SIK2: variants seen among roughly 807,000 people sequenced by gnomAD.
The protein encoded by SIK2 is serine/threonine-protein kinase SIK2.
In SIK2, 29 loss-of-function variants were observed where a neutral mutation model predicts 103.2. The ratio of observed to expected loss-of-function variants is 0.28; its 90% confidence interval spans 0.21 to 0.38. The LOEUF is 0.38. SIK2 is among the 10% of genes least tolerant of loss of function. The pLI, the probability that SIK2 is intolerant of heterozygous loss-of-function variation, is 1.00. For synonymous variants in SIK2, 412 were observed against 446.1 expected (o/e 0.92, Z 0.96); for missense variants, 879 against 1,171.0 (o/e 0.75, Z 3.64).
rs887621625 is a variant in SIK2, at chr11:111,730,529, A to C, written c.*6400A>C. On this transcript the variant is annotated 3_prime_UTR_variant, in exon 15 of 15. Transcript: ENST00000304987. ...GAAGGGAGGTGGGTGGTTTTGCTGG[A>C]TGTTTGGTCTGAAAGAGTTACTTTT... The C allele has an allele frequency of 6.6e-6, 1 of 152,196 alleles. No individual in the cohort carries two copies. Among genetic ancestry groups the C allele is most frequent in the Non-Finnish European group, 1.5e-5 (1 of 68,042 alleles). 9.4% of individuals were successfully genotyped at this position (152,196 alleles called of 1,614,324 possible). A position where few individuals can be genotyped will look rare whatever the true frequency, so the allele number is the denominator to read the frequency against.
chr11:111,612,938 A>ATATATATATATATATATATATATG (rs1405134626), intron 1 of SIK2, among the ~76,000 whole-genome samples: 1 of 146,532 alleles, frequency 6.8e-6, no homozygotes, highest in African/African-American at 2.6e-5. Context: ...ATATATATAT[A>ATATATATATATATATATATATATG]TATATATATT....
chr11:111,669,510 C>T (rs929090172), intron 3 of SIK2, among the ~76,000 whole-genome samples: 6 of 152,048 alleles, frequency 3.9e-5, no homozygotes, highest in Non-Finnish European at 1.5e-5. Flanking sequence ...GCAGGAGAAT[C>T]GCTTGAGCCC....
intron 3 of SIK2, among the ~76,000 whole-genome samples, chr11:111,632,044 A>G (rs2135849515): frequency 6.6e-6 from 1 of 152,328 alleles, no homozygotes; most frequent in South Asian, 2.1e-4. Context: ...ATAAGAAGAA[A>G]GAGTTGAATC....
At chr11:111,653,367 G>A (rs116403630) in intron 3 of SIK2, among the ~76,000 whole-genome samples, 2 of 152,194 alleles carry the variant, frequency 1.3e-5, no homozygotes, top group Non-Finnish European at 2.9e-5. Context: ...GAAAAACAAC[G>A]TTGTATCCTT....
intron 3 of SIK2, among the ~76,000 whole-genome samples, chr11:111,656,166 G>A (rs1426047020): frequency 6.6e-6 from 1 of 152,056 alleles, no homozygotes; most frequent in Non-Finnish European, 1.5e-5. Context: ...CTCCAGCCTG[G>A]GTGACTGAGC....
chr11:111,677,137 A>ACATCATCAT (rs1414831982), intron 3 of SIK2, among the ~76,000 whole-genome samples: 1 of 152,208 alleles, frequency 6.6e-6, no homozygotes, highest in Non-Finnish European at 1.5e-5. Flanking sequence ...CATCCAGATG[A>ACATCATCAT]CATCATCATA....
chr11:111,665,103 G>A (rs1942517892), intron 3 of SIK2, among the ~76,000 whole-genome samples: 1 of 152,122 alleles, frequency 6.6e-6, no homozygotes. Context: ...GGATCCAGAT[G>A]CTGTAGGAAT....
chr11:111,607,211 C>G (rs539145497), intron 1 of SIK2, among the ~76,000 whole-genome samples: 1 of 152,224 alleles, frequency 6.6e-6, no homozygotes, highest in African/African-American at 2.4e-5. Context: ...CTTACTTACC[C>G]TTAAGAGAAC....
chr11:111,610,758 A>G (rs1245798254), intron 1 of SIK2, among the ~76,000 whole-genome samples: 2 of 152,200 alleles, frequency 1.3e-5, no homozygotes. Context: ...ATGAAAACTA[A>G]TATATCTCAG....
chr11:111,617,558 G>T (rs1395095842), intron 2 of SIK2, among the ~76,000 whole-genome samples: 1 of 152,030 alleles, frequency 6.6e-6, no homozygotes, highest in Non-Finnish European at 1.5e-5. Context: ...AATCTGCATT[G>T]GTAGGAAGAT....
intron 1 of SIK2, among the ~76,000 whole-genome samples, chr11:111,614,748 A>G (rs2135834748): frequency 6.6e-6 from 1 of 152,294 alleles, no homozygotes; most frequent in East Asian, 1.9e-4. Context: ...TGAACAGGAG[A>G]CTGTGGGAAT....
chr11:111,706,788 C>T (rs371686613), intron 8 of SIK2, among the ~76,000 whole-genome samples: 16 of 151,720 alleles, frequency 1.1e-4, no homozygotes, highest in East Asian at 7.7e-4. Context: ...GGTGAAACCC[C>T]GTCTCTACTA....
rs1230346973 is a variant in SIK2, at chr11:111,712,303, C to T, written c.1194C>T (p.Ala398=). Residue 398 remains alanine, a synonymous_variant, in exon 9 of 15, where the codon GCC becomes GCT. Coordinates refer to ENST00000304987, the MANE Select transcript of SIK2 (RefSeq NM_015191.3). The part of the protein sequence containing the change: ...ALLPQASNVE[A]FSFPASGCQA... ...TCCCCCAGGCATCCAACGTGGAGGCCTTTTCATTTCCAGCATCTGGCTGTC... is the reference window on the plus strand; with the variant it reads ...TCCCCCAGGCATCCAACGTGGAGGCTTTTTCATTTCCAGCATCTGGCTGTC... The T allele has an allele frequency of 6.2e-7, 1 of 1,614,182 alleles. No individual in the cohort carries two copies. The highest frequency in any genetic ancestry group is 2.2e-5 in the East Asian group (1 of 44,894).
At chr11:111,721,176 G>A in intron 12 of SIK2, 114 bp downstream of exon 12, 1 of 1,308,906 alleles carries the variant, frequency 7.6e-7, no homozygotes, top group Non-Finnish European at 1.0e-6. Flanking sequence ...CAAACAGGCT[G>A]TTTGGGAAAA....
chr11:111,634,072 C>A (rs751367118), intron 3 of SIK2, among the ~76,000 whole-genome samples: 2 of 152,136 alleles, frequency 1.3e-5, no homozygotes, highest in African/African-American at 2.4e-5. Flanking sequence ...ACAATTAAAC[C>A]GGCAGTTAGC....
At chr11:111,693,856 AG>A (rs1264586217) in intron 4 of SIK2, among the ~76,000 whole-genome samples, 1 of 152,224 alleles carries the variant, frequency 6.6e-6, no homozygotes. Context: ...GAGTCGATGT[AG>A]GGTAATAGGT....
rs1006603713 is a variant in SIK2 at position 111,726,572 on chromosome 11, A to G, written c.*2443A>G. ...ATAAATTCCATAACCCTCTGTATTG[A>G]CTGCAATGTAAGCTGCTGAGGAGAC... On this transcript the variant is annotated 3_prime_UTR_variant, in exon 15 of 15. Coordinates refer to ENST00000304987, the MANE Select transcript of SIK2 (RefSeq NM_015191.3). The G allele has an allele frequency of 6.6e-5, 13 of 195,840 alleles. No homozygotes were observed. Among genetic ancestry groups the G allele is most frequent in the Non-Finnish European group, 6.3e-5 (6 of 94,772 alleles). The allele number at this position is 195,840 out of a possible 1,614,324, so 12.1% of individuals were successfully genotyped here. A position where few individuals can be genotyped will look rare whatever the true frequency, so the allele number is the denominator to read the frequency against.
chr11:111,665,681 C>T (rs1363815000), intron 3 of SIK2, among the ~76,000 whole-genome samples: 3 of 151,866 alleles, frequency 2.0e-5, no homozygotes, highest in South Asian at 2.1e-4. Flanking sequence ...AAAAAATTAG[C>T]GGGATGTGGT....
chr11:111,625,063 A>T (rs1321792455), intron 3 of SIK2, among the ~76,000 whole-genome samples: 1 of 152,196 alleles, frequency 6.6e-6, no homozygotes, highest in African/African-American at 2.4e-5. Context: ...GAGGAAGAAC[A>T]GTAGAAGAGG....
Sources: allele counts gnomAD v4.1 joint callset (sites outside exome capture counted in the v4.1 genomes callset), GRCh38; gene constraint gnomAD v4.1.1; transcripts MANE v1.5; gene names NCBI Gene and HGNC (gene_info 2026-07-23, HGNC 2026-07-21).